The following IL1RAPL1 variants were observed in gnomAD, a reference collection of about 807,000 sequenced individuals.
IL1RAPL1 encodes the protein interleukin 1 receptor accessory protein like 1.
A neutral mutation model predicts 48.4 loss-of-function variants in IL1RAPL1; 3 were observed. The observed-to-expected ratio is 0.06, with a 90% CI of 0.03 to 0.16. IL1RAPL1 has a LOEUF of 0.16. IL1RAPL1 is among the 10% of genes least tolerant of loss of function. IL1RAPL1 has a pLI of 1.00. For missense variants in IL1RAPL1, 349 were observed against 530.6 expected (o/e 0.66, Z 3.36); for synonymous variants, 185 against 187.7 (o/e 0.99, Z 0.12).
intron 2 of IL1RAPL1, among the ~76,000 whole-genome samples, chrX:28,993,537 G>A (rs188155698): frequency 3.0e-4 from 34 of 112,208 alleles, no homozygotes; most frequent in Admixed American, 2.7e-3. Flanking sequence ...AAAAGTCAAG[G>A]ATGCTTAGGT....
intron 2 of IL1RAPL1, among the ~76,000 whole-genome samples, chrX:28,949,425 GT>G (rs768937659): frequency 6.3e-5 from 7 of 111,277 alleles, no homozygotes; most frequent in East Asian, 5.7e-4. Context: ...CTCAATGCCT[GT>G]TTTTGTAAAG....
chrX:29,472,596 A>C (rs759726049), intron 5 of IL1RAPL1, among the ~76,000 whole-genome samples: 1 of 111,866 alleles, frequency 8.9e-6, no homozygotes, highest in East Asian at 2.8e-4. Context: ...TTGACAAGGC[A>C]CAACATTTTT....
chrX:29,488,694 T>C (rs750667413), intron 5 of IL1RAPL1, among the ~76,000 whole-genome samples: 2 of 108,926 alleles, frequency 1.8e-5, no homozygotes, highest in Non-Finnish European at 3.8e-5. Flanking sequence ...AGGTGGTGCA[T>C]ATATAACTAT....
chrX:29,625,022 A>G (rs1924576306), intron 5 of IL1RAPL1, among the ~76,000 whole-genome samples: 2 of 111,925 alleles, frequency 1.8e-5, no homozygotes, highest in Non-Finnish European at 3.8e-5. Context: ...ATTTAGTGCT[A>G]CTACTATCTA....
intron 2 of IL1RAPL1, among the ~76,000 whole-genome samples, chrX:29,084,881 CG>C (rs1927919991): frequency 9.0e-6 from 1 of 111,653 alleles, no homozygotes; most frequent in Non-Finnish European, 1.9e-5. Flanking sequence ...TTAGTAGAGA[CG>C]GGGTTTCGCC....
At chrX:29,056,288 T>TAATA (rs1307474965) in intron 2 of IL1RAPL1, among the ~76,000 whole-genome samples, 1 of 111,359 alleles carries the variant, frequency 9.0e-6, no homozygotes, top group African/African-American at 3.3e-5. Context: ...GAAAATGGGT[T>TAATA]AATTTGCAAC....
At chrX:29,413,273 A>G (rs188458797) in intron 5 of IL1RAPL1, among the ~76,000 whole-genome samples, 1 of 112,198 alleles carries the variant, frequency 8.9e-6, no homozygotes, top group African/African-American at 3.2e-5. Context: ...TAAATTACCC[A>G]GTCTCAGGTA....
chrX:29,166,330 C>T (rs993239711), intron 2 of IL1RAPL1, among the ~76,000 whole-genome samples: 2 of 111,967 alleles, frequency 1.8e-5, no homozygotes, highest in African/African-American at 6.5e-5. Flanking sequence ...TTTGCACAAC[C>T]TATTTTATTT....
chrX:29,516,289 G>A (rs1237128198), intron 5 of IL1RAPL1, among the ~76,000 whole-genome samples: 1 of 111,911 alleles, frequency 8.9e-6, no homozygotes, highest in Non-Finnish European at 1.9e-5. Context: ...AAAAATCTAT[G>A]GAATGTGTTC....
At chrX:29,103,320 C>T (rs1928382763) in intron 2 of IL1RAPL1, among the ~76,000 whole-genome samples, 1 of 111,749 alleles carries the variant, frequency 8.9e-6, no homozygotes, top group Non-Finnish European at 1.9e-5. Flanking sequence ...CAAATCTATA[C>T]ATCTACAGTG....
chrX:29,127,228 C>G (rs546829215), intron 2 of IL1RAPL1, among the ~76,000 whole-genome samples: 2 of 110,245 alleles, frequency 1.8e-5, no homozygotes, highest in African/African-American at 6.6e-5. Flanking sequence ...CAAAAATGAC[C>G]CAATTCAGTG....
intron 1 of IL1RAPL1, among the ~76,000 whole-genome samples, chrX:28,725,579 C>T (rs930643187): frequency 6.3e-5 from 7 of 111,887 alleles, no homozygotes; most frequent in African/African-American, 2.3e-4. Flanking sequence ...TTTTCACCAA[C>T]CCAGAAGTTC....
intron 2 of IL1RAPL1, among the ~76,000 whole-genome samples, chrX:29,182,110 C>A (rs754632672): frequency 9.1e-6 from 1 of 109,958 alleles, no homozygotes; most frequent in African/African-American, 3.3e-5. Flanking sequence ...CCTTGCCCCC[C>A]CCCACCCCAT....
chrX:29,903,969 C>A (rs773533266), intron 6 of IL1RAPL1, among the ~76,000 whole-genome samples: 1 of 112,027 alleles, frequency 8.9e-6, no homozygotes, highest in Non-Finnish European at 1.9e-5. Flanking sequence ...GTGCAGATCC[C>A]TAGGCCATAG....
intron 5 of IL1RAPL1, among the ~76,000 whole-genome samples, chrX:29,447,390 C>G (rs779915162): frequency 9.1e-6 from 1 of 109,724 alleles, no homozygotes; most frequent in Non-Finnish European, 1.9e-5. Context: ...TAATTTATTT[C>G]CTCTGAAGAG....
intron 2 of IL1RAPL1, among the ~76,000 whole-genome samples, chrX:28,970,992 T>G (rs1925057283): frequency 9.0e-6 from 1 of 111,642 alleles, no homozygotes; most frequent in African/African-American, 3.3e-5. Flanking sequence ...TCAACTACCT[T>G]GCATATCCAG....
At chrX:29,006,645 ATATGTGTGTG>A (rs1925987320) in intron 2 of IL1RAPL1, among the ~76,000 whole-genome samples, 1 of 80,073 alleles carries the variant, frequency 1.2e-5, no homozygotes, top group African/African-American at 4.9e-5. Flanking sequence ...GTGTTTATAT[ATATGTGTGTG>A]TGTGTGTGTG....
At chrX:28,839,473 A>T (rs2147291041) in intron 2 of IL1RAPL1, among the ~76,000 whole-genome samples, 1 of 110,946 alleles carries the variant, frequency 9.0e-6, no homozygotes, top group Admixed American at 9.6e-5. Flanking sequence ...TTAGTGAAAC[A>T]AAATATAAGT....
intron 6 of IL1RAPL1, among the ~76,000 whole-genome samples, chrX:29,714,576 TG>T (rs1282532793): frequency 8.9e-6 from 1 of 112,172 alleles, no homozygotes; most frequent in Admixed American, 9.5e-5. Context: ...TATATTGGTT[TG>T]GAAGGAGACA....
Sources: gnomAD v4.1 joint callset for allele counts (sites outside exome capture counted in the v4.1 genomes callset) on GRCh38, gnomAD v4.1.1 for gene constraint, MANE v1.5 for transcripts, NCBI Gene and HGNC (gene_info 2026-07-23, HGNC 2026-07-21) for gene names.